BICDL1: variants seen among roughly 807,000 people sequenced by gnomAD.
The protein encoded by BICDL1 is BICD family like cargo adaptor 1, also known as BICD family-like cargo adapter 1.
BICDL1 carries 20 observed loss-of-function variants against 76.8 expected under a neutral mutation model. That is an observed-to-expected ratio of 0.26 (90% CI 0.18 to 0.38). BICDL1 has a LOEUF of 0.38. BICDL1 is among the 10% of genes least tolerant of loss of function. The pLI is 1.00. For missense variants in BICDL1, 700 were observed against 798.6 expected (o/e 0.88, Z 1.49); for synonymous variants, 383 against 337.1 (o/e 1.14, Z -1.49).
intron 2 of BICDL1, among the ~76,000 whole-genome samples, chr12:120,046,943 C>G (rs1302872453): frequency 1.3e-5 from 2 of 152,176 alleles, no homozygotes; most frequent in Admixed American, 1.3e-4. Context: ...TAATAGTCCT[C>G]TTCCAGAAAC....
At chr12:120,066,011 A>G (rs192975300) in intron 4 of BICDL1, among the ~76,000 whole-genome samples, 4 of 152,366 alleles carry the variant, frequency 2.6e-5, no homozygotes, top group Admixed American at 6.5e-5. Context: ...GGTGCTGGCT[A>G]AAGCCTTACA....
chr12:119,991,716 T>TTG (rs144074141), intron 1 of BICDL1, among the ~76,000 whole-genome samples: 3,433 of 152,264 alleles, frequency 0.023, 140 homozygotes, highest in African/African-American at 0.079. Context: ...AAGGACTTGA[T>TTG]TGAAGAGACA....
rs58829220 is a variant in BICDL1 at position 119,995,709 on chromosome 12, G to A, written c.430-2812G>A. Among the ~76,000 whole-genome samples, 14 of 152,228 alleles carry A rather than the reference G, an allele frequency of 9.2e-5. No individual in the cohort carries two copies. In the East Asian group the frequency reaches 1.5e-3, roughly 17 times the overall value. On this transcript the variant is annotated intron_variant, in intron 1 of 9. Coordinates refer to ENST00000548673, the MANE Select transcript of BICDL1 (RefSeq NM_001367886.1). ...ACAGTGACTAAAACATTCTCTGGCC[G>A]GGCACGGTGGCTCACGCCTGTAATC...
intron 8 of BICDL1, among the ~76,000 whole-genome samples, chr12:120,083,109 C>T (rs1416747670): frequency 6.6e-6 from 1 of 151,954 alleles, no homozygotes; most frequent in Non-Finnish European, 1.5e-5. Flanking sequence ...GTGATCTGCC[C>T]ACCTCGGCCT....
chr12:120,080,788 T>C, intron 7 of BICDL1, 99 bp from the exon 8 acceptor site: 1 of 1,373,566 alleles, frequency 7.3e-7, no homozygotes, highest in Non-Finnish European at 9.9e-7. Context: ...CCCACACATG[T>C]ACCCTGGTCC....
chr12:120,084,497 G>A (rs1252582858), intron 8 of BICDL1, among the ~76,000 whole-genome samples: 2 of 152,168 alleles, frequency 1.3e-5, no homozygotes, highest in Admixed American at 1.3e-4. Flanking sequence ...TTGTTGGGAA[G>A]CTAAAATGAA....
chr12:120,032,218 C>T (rs1409389484), intron 2 of BICDL1, among the ~76,000 whole-genome samples: 1 of 152,124 alleles, frequency 6.6e-6, no homozygotes, highest in Non-Finnish European at 1.5e-5. Flanking sequence ...AAAATGAGTC[C>T]AGAATAAGTT....
At chr12:120,042,987 A>T (rs1181402986) in intron 2 of BICDL1, among the ~76,000 whole-genome samples, 1 of 152,144 alleles carries the variant, frequency 6.6e-6, no homozygotes, top group East Asian at 1.9e-4. Flanking sequence ...GTGGTGGTGT[A>T]GTAGCACTCT....
chr12:119,991,243 G>T (rs1308943262), intron 1 of BICDL1, among the ~76,000 whole-genome samples: 1 of 152,178 alleles, frequency 6.6e-6, no homozygotes, highest in African/African-American at 2.4e-5. Context: ...GTTGCAGCCA[G>T]CTCTTTTCAT....
At chr12:120,084,654 C>T (rs1212884634) in intron 8 of BICDL1, among the ~76,000 whole-genome samples, 4 of 152,026 alleles carry the variant, frequency 2.6e-5, no homozygotes, top group Admixed American at 1.3e-4. Flanking sequence ...TATGAGAGGC[C>T]GAGGCAGGCA....
chr12:120,081,139 C>T, intron 8 of BICDL1, 122 bp downstream of exon 8: 1 of 960,980 alleles, frequency 1.0e-6, no homozygotes, highest in Non-Finnish European at 1.5e-6. Flanking sequence ...AGTTTCCCCG[C>T]TACCCACCCC....
intron 8 of BICDL1, among the ~76,000 whole-genome samples, chr12:120,083,900 G>C (rs779083882): frequency 6.6e-6 from 1 of 151,644 alleles, no homozygotes; most frequent in African/African-American, 2.4e-5. Context: ...TGATCCACCT[G>C]CCTCAGCCTC....
chr12:120,091,906 A>G (rs1875007087), intron 9 of BICDL1: 2 of 985,378 alleles, frequency 2.0e-6, no homozygotes, highest in Non-Finnish European at 2.4e-6. Flanking sequence ...CCCTGGCCAC[A>G]GGGAGCCTGC....
At chr12:120,005,660 C>T (rs570304342) in intron 2 of BICDL1, among the ~76,000 whole-genome samples, 4 of 152,274 alleles carry the variant, frequency 2.6e-5, no homozygotes, top group East Asian at 1.9e-4. Flanking sequence ...TGAGCCACCA[C>T]GCCCAGCCGT....
chr12:120,032,745 ATT>A (rs35727779), intron 2 of BICDL1, among the ~76,000 whole-genome samples: 16 of 124,466 alleles, frequency 1.3e-4, no homozygotes, highest in Admixed American at 1.6e-4. Flanking sequence ...TACATCTATA[ATT>A]TTTTTTTTTT....
intron 4 of BICDL1, among the ~76,000 whole-genome samples, chr12:120,067,407 G>C (rs1412805795): frequency 2.6e-5 from 4 of 152,380 alleles, no homozygotes; most frequent in East Asian, 1.9e-4. Context: ...CCTTAGATGA[G>C]CGTAAATGTA....
chr12:120,079,487 C>G lies in BICDL1; in HGVS notation c.1453-1400C>G, dbSNP rs1420073886. Among the ~76,000 whole-genome samples, 1 of 152,102 alleles carries G rather than the reference C, an allele frequency of 6.6e-6. No homozygotes were observed. Among genetic ancestry groups the G allele is most frequent in the Non-Finnish European group, 1.5e-5 (1 of 68,006 alleles). ...GTCCCGTTGTGGGAGGGAGGCAGAC[C>G]TGTATGGATGGATCCTCCCTTGGAA... On this transcript the variant is annotated intron_variant, in intron 7 of 9. Transcript: ENST00000548673. The surrounding 1 kb of genome is among the most constrained non-coding windows in gnomAD (Gnocchi z 4.3).
chr12:120,087,326 G>A lies in BICDL1; in HGVS notation c.1584-2625G>A, dbSNP rs530884451. On this transcript the variant is annotated intron_variant, in intron 8 of 9. Transcript: ENST00000548673. ...TGAGCTGTCTGGAGCGGTTTCTCTA[G>A]GGAAGGCAGGCGGGCCGGCGGGCGG... 5.9e-5 allele frequency among the ~76,000 whole-genome samples: 9 copies of A among 152,370 alleles called. No individual in the cohort carries two copies. In the East Asian group the frequency reaches 1.5e-3, roughly 26 times the overall value.
chr12:119,989,853 T>A lies in BICDL1; in HGVS notation c.-16T>A. On this transcript the variant is annotated 5_prime_UTR_variant, in exon 1 of 10. Coordinates refer to ENST00000548673, the MANE Select transcript of BICDL1 (RefSeq NM_001367886.1). ...CGGGCCGGGCCGCACCGCTGCGGGC[T>A]CCGCGCGCGCGGGCCATGTCCGCTT... 2.3e-6 allele frequency: 3 copies of A among 1,324,326 alleles called. No individual in the cohort carries two copies. The highest frequency in any genetic ancestry group is 2.9e-6 in the Non-Finnish European group (3 of 1,046,986). 82.0% of individuals were successfully genotyped at this position (1,324,326 alleles called of 1,614,324 possible). A position where few individuals can be genotyped will look rare whatever the true frequency, so the allele number is the denominator to read the frequency against.
Sources: allele counts gnomAD v4.1 joint callset (sites outside exome capture counted in the v4.1 genomes callset), GRCh38; gene constraint gnomAD v4.1.1; non-coding constraint Gnocchi (gnomAD v3.1); transcripts MANE v1.5; gene names NCBI Gene and HGNC (gene_info 2026-07-23, HGNC 2026-07-21).